CA7: variants seen among roughly 807,000 people sequenced by gnomAD.
CA7 encodes carbonate dehydratase VII.
CA7 carries 13 observed loss-of-function variants against 31.4 expected under a neutral mutation model. The ratio of observed to expected loss-of-function variants is 0.41; its 90% confidence interval spans 0.27 to 0.66. CA7 has a LOEUF of 0.66. CA7 is among the 30% of genes least tolerant of loss of function. The probability of loss-of-function intolerance (pLI) is 0.28; values close to 1 mark genes in which losing one functional copy is unlikely to be tolerated. For missense variants in CA7, 215 were observed against 351.0 expected, an observed-to-expected ratio of 0.61 and a Z score of 3.10; for synonymous variants, 128 against 133.2, an observed-to-expected ratio of 0.96 and a Z score of 0.27.
chr16:66,847,180 A>G lies in CA7; in HGVS notation c.191A>G (p.Asn64Ser). ...EACMSLSITN[N>S]GHSVQVDFND... ...TGCATGTCCCTCAGCATCACCAACA[A>G]TGGCCACTCTGTCCAGGTAGACTTC... is the stretch of plus-strand genomic sequence containing the variant. The change falls in exon 2 of 7, where the codon AAT becomes AGT. Residue 64 changes from asparagine to serine, a missense_variant. Physicochemically the swap from Asn to Ser is conservative, Grantham distance 46. Transcript: ENST00000338437. 3 of 1,614,156 alleles carry G rather than the reference A, an allele frequency of 1.9e-6. No homozygotes were observed. The highest frequency in any genetic ancestry group is 8.5e-7 in the Non-Finnish European group (1 of 1,180,006).
At chr16:66,851,828 T>C (rs1961062530) in intron 5 of CA7, 102 bp downstream of exon 5, 2 of 1,030,314 alleles carry the variant, frequency 1.9e-6, no homozygotes, top group Non-Finnish European at 3.0e-6. Context: ...AGTAAACCCT[T>C]GCTGAGACCA....
intron 1 of CA7, chr16:66,844,860 T>TG: frequency 9.7e-7 from 1 of 1,028,874 alleles, no homozygotes; most frequent in East Asian, 5.0e-5. Flanking sequence ...GCGCAGCGCG[T>TG]GGGGGTGGCC....
Position 66,851,572 on chromosome 16 carries a change from T to G in CA7, c.453+14T>G, listed in dbSNP as rs770473978. On this transcript the variant is annotated intron_variant, in intron 4 of 6. Transcript: ENST00000338437. ...GTTTTTTTGGAGGTGAGTGGTGGTT[T>G]GCTGGGGCCTGGAGGGGCATGGGAG... 6.2e-7 allele frequency: 1 copy of G among 1,614,052 alleles called. No homozygotes were observed. The highest frequency in any genetic ancestry group is 8.5e-7 in the Non-Finnish European group (1 of 1,179,902).
At position 66,850,565 on chromosome 16, in the gene CA7, G is replaced by T; in HGVS notation, c.263G>T (p.Gly88Val). The T allele has an allele frequency of 6.2e-7, 1 of 1,613,672 alleles. No homozygotes were observed. Among genetic ancestry groups the T allele is most frequent in the Non-Finnish European group, 8.5e-7 (1 of 1,179,630 alleles). ...GTGGTGACTGGGGGCCCCCTGGAAGGGCCCTACCGCCTCAAGCAGTTTCAC... is the reference window on the plus strand; with the variant it reads ...GTGGTGACTGGGGGCCCCCTGGAAGTGCCCTACCGCCTCAAGCAGTTTCAC... ...RTVVTGGPLE[G>V]PYRLKQFHFH... is the part of the protein sequence containing the mutation. Residue 88 changes from glycine (G) to valine (V), a missense_variant, in exon 3 of 7, where the codon GGG (glycine) becomes GTG (valine). Gly to Val is a moderately radical substitution (Grantham distance 109, BLOSUM62 -3). Transcript: ENST00000338437.
In CA7 at chr16:66,853,516, C is replaced by G; in HGVS notation, c.*18C>G. On this transcript the variant is annotated 3_prime_UTR_variant, in exon 7 of 7. Coordinates refer to ENST00000338437, the MANE Select transcript of CA7 (RefSeq NM_005182.3). This position sits in a 1 kb window ranked among gnomAD's most constrained non-coding sequence, Gnocchi z 4.5. ...GGGCCTGAGCTGCCCATCTGCCTAG[C>G]CGGCCACTAGGGCACCATCTTCTCA... 1 of 1,613,268 alleles carries G rather than the reference C, an allele frequency of 6.2e-7. No homozygotes were observed. Among genetic ancestry groups the G allele is most frequent in the South Asian group, 1.1e-5 (1 of 91,048 alleles).
chr16:66,849,458 G>A (rs567940401), intron 2 of CA7, among the ~76,000 whole-genome samples: 2 of 152,340 alleles, frequency 1.3e-5, no homozygotes, highest in East Asian at 3.9e-4. Context: ...CCCTAGTTCA[G>A]TGCCTTGCTG....
intron 1 of CA7, 29 bp from the exon 2 acceptor site, chr16:66,847,001 T>C: frequency 6.2e-7 from 1 of 1,609,422 alleles, no homozygotes; most frequent in East Asian, 2.2e-5. Flanking sequence ...CTGGCTGGCC[T>C]GAGTCCTTGC....
At position 66,851,646 on chromosome 16, in the gene CA7, C is replaced by G. The variant is rs1401610406; in HGVS notation, c.454-18C>G. 1.2e-6 allele frequency: 2 copies of G among 1,613,878 alleles called. No homozygotes were observed. Among genetic ancestry groups the G allele is most frequent in the Non-Finnish European group, 1.7e-6 (2 of 1,179,870 alleles). On this transcript the variant is annotated intron_variant, in intron 4 of 6. Transcript: ENST00000338437. ...GAACACAGTGGGCTCTGGGCTCACACTGCCCTCTCCCTGACAGACAGGAGA... is the reference window on the plus strand; with the variant it reads ...GAACACAGTGGGCTCTGGGCTCACAGTGCCCTCTCCCTGACAGACAGGAGA...
At chr16:66,849,430 A>G (rs2145380686) in intron 2 of CA7, among the ~76,000 whole-genome samples, 1 of 152,312 alleles carries the variant, frequency 6.6e-6, no homozygotes, top group Non-Finnish European at 1.5e-5. Context: ...CTTTGGACAT[A>G]AGAGATACTA....
At chr16:66,852,614 GAA>G in intron 5 of CA7, 96 bp from the exon 6 acceptor site, 1 of 818,612 alleles carries the variant, frequency 1.2e-6, no homozygotes, top group East Asian at 3.1e-5. Flanking sequence ...AAAGAAAAAA[GAA>G]AAGAAAAAAG....
chr16:66,847,798 T>C (rs1960959764), intron 2 of CA7, among the ~76,000 whole-genome samples: 1 of 152,180 alleles, frequency 6.6e-6, no homozygotes, highest in South Asian at 2.1e-4. Flanking sequence ...CACCTATGAC[T>C]TCAAGGTCCA....
chr16:66,853,579 C>CT lies in CA7; in HGVS notation c.*83dup. ...TCAGCAGACACCAAACCATCTGAGGCTTCCTCCCTGGGGGGTGCTGGGGAC... is the reference window on the plus strand; with the variant it reads ...TCAGCAGACACCAAACCATCTGAGGCTTTCCTCCCTGGGGGGTGCTGGGGAC... On this transcript the variant is annotated 3_prime_UTR_variant, in exon 7 of 7. Coordinates refer to ENST00000338437, the MANE Select transcript of CA7 (RefSeq NM_005182.3). The surrounding 1 kb of genome is among the most constrained non-coding windows in gnomAD (Gnocchi z 4.5). The CT allele has an allele frequency of 6.4e-7, 1 of 1,573,004 alleles. No homozygotes were observed. Among genetic ancestry groups the CT allele is most frequent in the Non-Finnish European group, 8.6e-7 (1 of 1,158,116 alleles).
intron 2 of CA7, among the ~76,000 whole-genome samples, chr16:66,847,497 TTTCCTTCCC>T (rs1209661019): frequency 1.3e-5 from 2 of 152,222 alleles, no homozygotes; most frequent in African/African-American, 2.4e-5. Context: ...TGCTAATTTC[TTTCCTTCCC>T]TTCCTTCCCT....
chr16:66,849,358 A>C (rs1043094799), intron 2 of CA7, among the ~76,000 whole-genome samples: 3 of 152,146 alleles, frequency 2.0e-5, no homozygotes, highest in African/African-American at 7.2e-5. Flanking sequence ...GGAAAAGCAC[A>C]AAGTTTAAAG....
At chr16:66,849,917 G>A (rs1446595550) in intron 2 of CA7, among the ~76,000 whole-genome samples, 1 of 152,172 alleles carries the variant, frequency 6.6e-6, no homozygotes. Flanking sequence ...TTGGGAGTTC[G>A]AGGCCAGCCT....
chr16:66,850,433 C>A (rs1048582510), intron 2 of CA7, 108 bp from the exon 3 acceptor site: 3 of 737,800 alleles, frequency 4.1e-6, no homozygotes, highest in Non-Finnish European at 2.5e-6. Context: ...AGAGCGAGAC[C>A]CTGACTCAAA....
Position 66,847,255 on chromosome 16 carries a change from C to T in CA7, c.238+28C>T, listed in dbSNP as rs1960948809. 1.3e-5 allele frequency: 20 copies of T among 1,596,950 alleles called. No homozygotes were observed. In the South Asian group the frequency reaches 2.1e-4, roughly 17 times the overall value. On this transcript the variant is annotated intron_variant, in intron 2 of 6. Coordinates refer to ENST00000338437, the MANE Select transcript of CA7 (RefSeq NM_005182.3). ...AAGTGGCCCCTGCCAAAGCCTGGCA[C>T]CTGGCCCCTGGCCCCTTAGGGTCCT...
Position 66,849,098 on chromosome 16 carries a change from A to G in CA7, c.239-1443A>G, listed in dbSNP as rs866533231. Reference sequence around the variant, plus strand: ...AGTGGAACTCTGAGCCTGGGGTGTTATCTGATCCAGGAGCTCACATTCAAG... The same window carrying G: ...AGTGGAACTCTGAGCCTGGGGTGTTGTCTGATCCAGGAGCTCACATTCAAG... On this transcript the variant is annotated intron_variant, in intron 2 of 6. Coordinates refer to ENST00000338437, the MANE Select transcript of CA7 (RefSeq NM_005182.3). 7.9e-5 allele frequency among the ~76,000 whole-genome samples: 12 copies of G among 152,046 alleles called. No homozygotes were observed. The South Asian group carries it at 2.3e-3, about 29-fold the overall frequency.
At position 66,850,710 on chromosome 16, in the gene CA7, GGCCTGGGTAGTCAGGGGCTTGAGGAT is replaced by G. The variant is rs1961027227; in HGVS notation, c.357+59_357+84del. ...CCTCTGCTACATGGGAAGGAACGCA[GGCCTGGGTAGTCAGGGGCTTGAGGAT>G]GCCTGGGGTCGGGCCTTGGAGAGGG... On this transcript the variant is annotated intron_variant, in intron 3 of 6. Coordinates refer to ENST00000338437, the MANE Select transcript of CA7 (RefSeq NM_005182.3). 3 of 1,329,524 alleles carry G rather than the reference GGCCTGGGTAGTCAGGGGCTTGAGGAT, an allele frequency of 2.3e-6. No individual in the cohort carries two copies. In the African/African-American group the frequency reaches 4.3e-5, roughly 19 times the overall value. 82.4% of individuals were successfully genotyped at this position (1,329,524 alleles called of 1,614,324 possible).
Sources: gnomAD v4.1 joint callset for allele counts (sites outside exome capture counted in the v4.1 genomes callset) on GRCh38, gnomAD v4.1.1 for gene constraint, Gnocchi (gnomAD v3.1) non-coding constraint, MANE v1.5 for transcripts, NCBI Gene and HGNC (gene_info 2026-07-23, HGNC 2026-07-21) for gene names.